The following PTCHD4 variants were observed in gnomAD, a reference collection of about 807,000 sequenced individuals.
The protein encoded by PTCHD4 is patched domain containing 4, also known as patched domain-containing protein 4.
A neutral mutation model predicts 58.1 loss-of-function variants in PTCHD4; 33 were observed. The observed-to-expected ratio is 0.57, with a 90% CI of 0.43 to 0.76. The LOEUF is 0.76. PTCHD4 is among the 30% of genes least tolerant of loss of function. PTCHD4 has a pLI of 0.00. For synonymous variants in PTCHD4, 478 were observed against 409.6 expected (o/e 1.17, Z -2.02); for missense variants, 1,058 against 1,027.1 (o/e 1.03, Z -0.41).
Position 47,868,420 on chromosome 6 carries a change from T to A in PTCHD4, c.*9883A>T, listed in dbSNP as rs1396233127. Among the ~76,000 whole-genome samples, 1 of 151,772 alleles carries A rather than the reference T, an allele frequency of 6.6e-6. No individual in the cohort carries two copies. Reference sequence around the variant, plus strand: ...AATGAAACAAAACAACAACAAAAGCTTCTGAATATGGGCTCTCAAAGATTG... The same window carrying A: ...AATGAAACAAAACAACAACAAAAGCATCTGAATATGGGCTCTCAAAGATTG... On this transcript the variant is annotated 3_prime_UTR_variant, in exon 5 of 5. Coordinates refer to ENST00000339488, the MANE Select transcript of PTCHD4 (RefSeq NM_001384253.1).
chr6:48,035,006 T>C (rs979101646), intron 3 of PTCHD4, among the ~76,000 whole-genome samples: 2 of 152,150 alleles, frequency 1.3e-5, no homozygotes, highest in Non-Finnish European at 2.9e-5. Context: ...TCATAAGAGT[T>C]GAACCATTTC....
intron 4 of PTCHD4, among the ~76,000 whole-genome samples, chr6:47,896,655 C>A (rs529928626): frequency 3.2e-4 from 48 of 152,146 alleles, no homozygotes; most frequent in African/African-American, 1.1e-3. Flanking sequence ...TTTTCATATT[C>A]TTTCCTAAGG....
rs1318238299 is a variant in PTCHD4 at position 47,858,941 on chromosome 6, C to T, written c.*19362G>A. Among the ~76,000 whole-genome samples, 1 of 151,996 alleles carries T rather than the reference C, an allele frequency of 6.6e-6. No homozygotes were observed. The highest frequency in any genetic ancestry group is 1.5e-5 in the Non-Finnish European group (1 of 67,964). ...GAACCAGTTAATGATCTTACAGAACCTATGATTTAATTACAAGCATCTGTT... is the reference window on the plus strand; with the variant it reads ...GAACCAGTTAATGATCTTACAGAACTTATGATTTAATTACAAGCATCTGTT... On this transcript the variant is annotated 3_prime_UTR_variant, in exon 5 of 5. Transcript: ENST00000339488.
intron 4 of PTCHD4, among the ~76,000 whole-genome samples, chr6:47,950,722 G>A (rs532716150): frequency 6.6e-6 from 1 of 152,224 alleles, no homozygotes; most frequent in East Asian, 1.9e-4. Flanking sequence ...TAAATGTGGG[G>A]GATGACGGAA....
chr6:47,896,351 A>C (rs1260114333), intron 4 of PTCHD4, among the ~76,000 whole-genome samples: 2 of 152,198 alleles, frequency 1.3e-5, no homozygotes, highest in Non-Finnish European at 2.9e-5. Flanking sequence ...AGAGTATCCT[A>C]ACAATTCTTT....
At chr6:47,886,064 C>G (rs562567955) in intron 4 of PTCHD4, among the ~76,000 whole-genome samples, 1 of 151,762 alleles carries the variant, frequency 6.6e-6, no homozygotes, top group Non-Finnish European at 1.5e-5. Flanking sequence ...GTAATCTGCC[C>G]GCCTCGGCCT....
intron 4 of PTCHD4, chr6:47,901,780 C>CGAT (rs1251020526): frequency 8.1e-7 from 1 of 1,237,904 alleles, no homozygotes; most frequent in Non-Finnish European, 1.0e-6. Context: ...ATGATGATGA[C>CGAT]GATGATGATG....
intron 3 of PTCHD4, among the ~76,000 whole-genome samples, chr6:48,041,399 T>G (rs981798719): frequency 5.9e-5 from 9 of 152,064 alleles, no homozygotes; most frequent in Admixed American, 6.6e-5. Flanking sequence ...TAACACTTGG[T>G]AAAGACTACC....
intron 4 of PTCHD4, among the ~76,000 whole-genome samples, chr6:47,903,670 G>T (rs1175099178): frequency 2.0e-5 from 3 of 152,136 alleles, no homozygotes; most frequent in Admixed American, 2.0e-4. Context: ...TATGTGTCAG[G>T]CACAGTTCTA....
At chr6:47,964,322 C>T (rs1306774278) in intron 4 of PTCHD4, among the ~76,000 whole-genome samples, 1 of 150,732 alleles carries the variant, frequency 6.6e-6, no homozygotes, top group African/African-American at 2.5e-5. Flanking sequence ...GTTATTACCA[C>T]ATTTTTTTTT....
rs914135774 is a variant in PTCHD4 at position 47,863,569 on chromosome 6, A to T, written c.*14734T>A. ...TCAGAGAAACAAGTATTTTTAGTAT[A>T]GTAGATTCCAAATATTGCATGAAAC... On this transcript the variant is annotated 3_prime_UTR_variant, in exon 5 of 5. Transcript: ENST00000339488. Among the ~76,000 whole-genome samples, 2 of 151,998 alleles carry T rather than the reference A, an allele frequency of 1.3e-5. No individual in the cohort carries two copies. The highest frequency in any genetic ancestry group is 2.9e-5 in the Non-Finnish European group (2 of 67,932).
chr6:48,062,958 T>A (rs1247212484), intron 3 of PTCHD4, among the ~76,000 whole-genome samples: 1 of 152,190 alleles, frequency 6.6e-6, no homozygotes, highest in Admixed American at 6.5e-5. Context: ...ACTTGCCTAA[T>A]GTCACACAAT....
chr6:47,880,016 G>T (rs1763974346), intron 4 of PTCHD4, 80 bp from the exon 5 acceptor site: 7 of 1,120,340 alleles, frequency 6.2e-6, no homozygotes, highest in Non-Finnish European at 8.7e-6. Context: ...GTTTATCTAT[G>T]CTAAATGGCA....
At chr6:48,001,858 C>T (rs563117323) in intron 4 of PTCHD4, among the ~76,000 whole-genome samples, 1 of 152,344 alleles carries the variant, frequency 6.6e-6, no homozygotes, top group African/African-American at 2.4e-5. Flanking sequence ...GCAATCTACT[C>T]ATCTGCCAAA....
At chr6:47,914,349 T>G (rs1405694248) in intron 4 of PTCHD4, among the ~76,000 whole-genome samples, 2 of 152,058 alleles carry the variant, frequency 1.3e-5, no homozygotes, top group African/African-American at 4.8e-5. Flanking sequence ...GCATTTGAAT[T>G]AGTACACTGG....
chr6:48,019,731 G>A (rs561363393), intron 3 of PTCHD4, among the ~76,000 whole-genome samples: 132 of 134,492 alleles, frequency 9.8e-4, no homozygotes, highest in Non-Finnish European at 1.3e-3. Flanking sequence ...GCGAGACTCC[G>A]TCTCAAAAAA....
intron 4 of PTCHD4, among the ~76,000 whole-genome samples, chr6:48,000,802 T>C (rs563755204): frequency 1.1e-4 from 17 of 152,322 alleles, no homozygotes; most frequent in African/African-American, 4.1e-4. Flanking sequence ...TCCTACTCAG[T>C]GGCATTGCTT....
intron 4 of PTCHD4, among the ~76,000 whole-genome samples, chr6:47,911,639 A>G (rs899967737): frequency 2.0e-5 from 3 of 152,116 alleles, no homozygotes; most frequent in Non-Finnish European, 4.4e-5. Flanking sequence ...CTTAATGAGG[A>G]ATAGTCATGG....
chr6:48,039,821 T>TA (rs1167574098), intron 3 of PTCHD4, among the ~76,000 whole-genome samples: 2 of 152,160 alleles, frequency 1.3e-5, no homozygotes, highest in Non-Finnish European at 2.9e-5. Flanking sequence ...GAACACTTTT[T>TA]ATCAAGGACT....
Sources: gnomAD v4.1 joint callset for allele counts (sites outside exome capture counted in the v4.1 genomes callset) on GRCh38, gnomAD v4.1.1 for gene constraint, MANE v1.5 for transcripts, NCBI Gene and HGNC (gene_info 2026-07-23, HGNC 2026-07-21) for gene names.